DENND5B: variants seen among roughly 807,000 people sequenced by gnomAD.
The protein encoded by DENND5B is DENN domain-containing protein 5B.
A neutral mutation model predicts 140.6 loss-of-function variants in DENND5B; 34 were observed. That is an observed-to-expected ratio of 0.24 (90% CI 0.18 to 0.32). DENND5B has a LOEUF of 0.32. Ranked by LOEUF, DENND5B falls within the 10% of genes least tolerant of loss-of-function variation. The pLI is 1.00. For synonymous variants in DENND5B, 551 were observed against 562.1 expected (o/e 0.98, Z 0.28); for missense variants, 1,142 against 1,560.2 (o/e 0.73, Z 4.52).
chr12:31,551,786 T>C, intron 1 of DENND5B, among the ~76,000 whole-genome samples: 1 of 152,222 alleles, frequency 6.6e-6, no homozygotes, highest in Non-Finnish European at 1.5e-5. Context: ...TCACATCCCT[T>C]GTAAGTTGGA....
chr12:31,512,766 A>G (rs1033293968), intron 1 of DENND5B, among the ~76,000 whole-genome samples: 8 of 152,194 alleles, frequency 5.3e-5, no homozygotes, highest in Non-Finnish European at 1.5e-5. Context: ...AACTTTTTAA[A>G]AAGTAAATTT....
At chr12:31,555,678 T>C (rs995973101) in intron 1 of DENND5B, among the ~76,000 whole-genome samples, 6 of 152,242 alleles carry the variant, frequency 3.9e-5, no homozygotes, top group Non-Finnish European at 7.3e-5. Flanking sequence ...GCAGGCCTCC[T>C]TGAGCTGTGG....
chr12:31,448,969 T>C (rs1235028198), intron 5 of DENND5B, among the ~76,000 whole-genome samples: 1 of 152,230 alleles, frequency 6.6e-6, no homozygotes, highest in Admixed American at 6.5e-5. Flanking sequence ...CATGGGATGG[T>C]TCAGTACATC....
intron 1 of DENND5B, among the ~76,000 whole-genome samples, chr12:31,533,021 C>T (rs1164224516): frequency 6.6e-6 from 1 of 152,184 alleles, no homozygotes; most frequent in Non-Finnish European, 1.5e-5. Context: ...ACATCACCTG[C>T]AGTTCTTTCC....
intron 1 of DENND5B, among the ~76,000 whole-genome samples, chr12:31,581,878 T>G (rs1288041824): frequency 1.3e-5 from 2 of 152,092 alleles, no homozygotes; most frequent in Non-Finnish European, 2.9e-5. Context: ...TTACATAAAA[T>G]CGTGTAGTAC....
chr12:31,566,767 G>T (rs1040527885), intron 1 of DENND5B, among the ~76,000 whole-genome samples: 1 of 152,202 alleles, frequency 6.6e-6, no homozygotes, highest in African/African-American at 2.4e-5. Context: ...AGGCTACATA[G>T]TAAGTACTAT....
At chr12:31,582,309 C>T (rs1280615924) in intron 1 of DENND5B, among the ~76,000 whole-genome samples, 2 of 152,296 alleles carry the variant, frequency 1.3e-5, no homozygotes, top group East Asian at 1.9e-4. Flanking sequence ...CTGATGCCTG[C>T]GGCTGTCATA....
chr12:31,498,214 C>T (rs1339305241), intron 1 of DENND5B, among the ~76,000 whole-genome samples: 2 of 152,094 alleles, frequency 1.3e-5, no homozygotes, highest in Non-Finnish European at 2.9e-5. Context: ...ATATGAAACA[C>T]TGCAGAAGCA....
In DENND5B at chr12:31,447,617, A is replaced by G; in HGVS notation, c.1782T>C (p.Asp594=). The part of the protein sequence containing the change: ...PLLRVFDTRI[D]KIRLYNVRAP... ...CCCTTACATTATACAGCCTTATCTT[A>G]TCAATCCGAGTGTCAAAGACCCGAA... Residue 594 remains aspartate, a synonymous_variant, in exon 6 of 21, where the codon GAT becomes GAC. Transcript: ENST00000389082. The G allele has an allele frequency of 6.2e-7, 1 of 1,614,000 alleles. No homozygotes were observed. The highest frequency in any genetic ancestry group is 8.5e-7 in the Non-Finnish European group (1 of 1,179,882).
intron 1 of DENND5B, among the ~76,000 whole-genome samples, chr12:31,517,503 CA>C (rs1947705454): frequency 6.6e-6 from 1 of 152,136 alleles, no homozygotes; most frequent in Admixed American, 6.6e-5. Context: ...ATGAGAAGTG[CA>C]TAGAAATATG....
At chr12:31,534,197 T>C (rs543152947) in intron 1 of DENND5B, among the ~76,000 whole-genome samples, 10 of 152,226 alleles carry the variant, frequency 6.6e-5, no homozygotes, top group African/African-American at 2.2e-4. Context: ...TCTCACTTTG[T>C]GGCCCAGGCT....
At chr12:31,520,861 AAC>A (rs1947849441) in intron 1 of DENND5B, among the ~76,000 whole-genome samples, 1 of 152,132 alleles carries the variant, frequency 6.6e-6, no homozygotes, top group Non-Finnish European at 1.5e-5. Context: ...CAACAACAAC[AAC>A]AACAAAAACA....
chr12:31,464,437 T>G (rs1241070751), intron 3 of DENND5B, among the ~76,000 whole-genome samples: 3 of 152,202 alleles, frequency 2.0e-5, no homozygotes, highest in African/African-American at 7.2e-5. Context: ...TACCCTATCT[T>G]TATTTCCATC....
At chr12:31,419,506 G>C (rs770071073) in intron 11 of DENND5B, among the ~76,000 whole-genome samples, 1 of 150,062 alleles carries the variant, frequency 6.7e-6, no homozygotes, top group Non-Finnish European at 1.5e-5. Context: ...ATTTGGAGTG[G>C]TGAATTTTAT....
At chr12:31,507,958 A>T (rs993803479) in intron 1 of DENND5B, among the ~76,000 whole-genome samples, 4 of 152,202 alleles carry the variant, frequency 2.6e-5, no homozygotes, top group Non-Finnish European at 5.9e-5. Flanking sequence ...TTCTATGGAA[A>T]TTATTTATCC....
intron 4 of DENND5B, among the ~76,000 whole-genome samples, chr12:31,453,179 C>T (rs2138143261): frequency 6.6e-6 from 1 of 152,224 alleles, no homozygotes; most frequent in South Asian, 2.1e-4. Context: ...AGTCATTATA[C>T]CTAATGCAGG....
At position 31,454,279 on chromosome 12, in the gene DENND5B, G is replaced by A. The variant is rs544737677; in HGVS notation, c.1093-1803C>T. Among the ~76,000 whole-genome samples the A allele has an allele frequency of 3.3e-5, 5 of 152,246 alleles. No homozygotes were observed. The South Asian group carries it at 6.2e-4, about 19-fold the overall frequency. On this transcript the variant is annotated intron_variant, in intron 4 of 20. Transcript: ENST00000389082. Reference sequence around the variant, plus strand: ...AAGAAACCGAGGCCCAAGAAATTAGGTGACTTCCTGGCACCTGTTCCAAAT... The same window carrying A: ...AAGAAACCGAGGCCCAAGAAATTAGATGACTTCCTGGCACCTGTTCCAAAT...
intron 1 of DENND5B, among the ~76,000 whole-genome samples, chr12:31,510,593 TA>T (rs1947373821): frequency 6.6e-6 from 1 of 152,192 alleles, no homozygotes; most frequent in African/African-American, 2.4e-5. Context: ...CCTTAGCACC[TA>T]AGATCTCTCT....
At position 31,399,738 on chromosome 12, in the gene DENND5B, A is replaced by G; in HGVS notation, c.2984T>C (p.Ile995Thr). The G allele has an allele frequency of 6.2e-7, 1 of 1,613,896 alleles. No individual in the cohort carries two copies. The highest frequency in any genetic ancestry group is 8.5e-7 in the Non-Finnish European group (1 of 1,179,898). Residue 995 changes from isoleucine to threonine, a missense_variant, in exon 16 of 21, where the codon ATT becomes ACT. This residue lies in a region of DENND5B where 268 missense variants were observed against 349.2 expected (regional missense o/e 0.77). Coordinates refer to ENST00000389082, the MANE Select transcript of DENND5B (RefSeq NM_144973.4). ...TAACAGTCCTGAGTTATCGTGACCA[A>G]TCTGAACAGTGGTCAGCTTCCCCAA... ...QNLGKLTTVQ[I>T]GHDNSGLLAK...
Sources: allele counts gnomAD v4.1 joint callset (sites outside exome capture counted in the v4.1 genomes callset), GRCh38; gene constraint gnomAD v4.1.1; regional missense constraint gnomAD v4.1.1; transcripts MANE v1.5; gene names NCBI Gene and HGNC (gene_info 2026-07-23, HGNC 2026-07-21).